Variants in INPP4B observed in about 807,000 individuals in gnomAD.
INPP4B encodes the protein inositol polyphosphate-4-phosphatase type II B.
A neutral mutation model predicts 122.5 loss-of-function variants in INPP4B; 55 were observed. The observed-to-expected ratio is 0.45, with a 90% CI of 0.36 to 0.56. INPP4B has a LOEUF of 0.56. Among genes scored for constraint, INPP4B ranks in the 20% least tolerant of loss-of-function variants. The pLI is 0.00. For synonymous variants in INPP4B, 403 were observed against 388.7 expected, an observed-to-expected ratio of 1.04 and a Z score of -0.43; for missense variants, 1,000 against 1,097.7, an observed-to-expected ratio of 0.91 and a Z score of 1.26.
chr4:142,399,847 GC>G (rs1801026911), intron 7 of INPP4B, among the ~76,000 whole-genome samples: 1 of 151,986 alleles, frequency 6.6e-6, no homozygotes, highest in African/African-American at 2.4e-5. Flanking sequence ...CACTCCATAT[GC>G]CCCACCCCTC....
intron 11 of INPP4B, among the ~76,000 whole-genome samples, chr4:142,252,508 A>G (rs2636660): frequency 0.76 from 115,777 of 152,068 alleles, 45,316 homozygotes; most frequent in East Asian, 0.93. Context: ...ATTTACTAAC[A>G]GTCATTTAAT....
intron 7 of INPP4B, among the ~76,000 whole-genome samples, chr4:142,372,763 T>A (rs1366929711): frequency 6.6e-6 from 1 of 152,008 alleles, no homozygotes; most frequent in Non-Finnish European, 1.5e-5. Context: ...CCTTTCCATT[T>A]CCATCATCAG....
intron 5 of INPP4B, among the ~76,000 whole-genome samples, chr4:142,423,010 C>T (rs933331258): frequency 6.6e-6 from 1 of 151,970 alleles, no homozygotes; most frequent in African/African-American, 2.4e-5. Context: ...TACCTCTGTG[C>T]TTGGTATTCC....
chr4:142,394,079 T>C (rs574844311), intron 7 of INPP4B, among the ~76,000 whole-genome samples: 170 of 152,354 alleles, frequency 1.1e-3, no homozygotes, highest in African/African-American at 4.0e-3. Flanking sequence ...TCTGTAATGA[T>C]TGTACCAATT....
At chr4:142,249,244 A>T (rs1172413105) in intron 11 of INPP4B, among the ~76,000 whole-genome samples, 1 of 151,984 alleles carries the variant, frequency 6.6e-6, no homozygotes, top group African/African-American at 2.4e-5. Flanking sequence ...TGAGTGGGGG[A>T]AACTCACTCT....
At chr4:142,158,996 C>A (rs1818671012) in intron 17 of INPP4B, among the ~76,000 whole-genome samples, 1 of 151,906 alleles carries the variant, frequency 6.6e-6, no homozygotes, top group East Asian at 1.9e-4. Flanking sequence ...TATGACATAT[C>A]TAATTTCCCC....
rs545175207 is a variant in INPP4B, at chr4:142,400,161, T to C, written c.372+2777A>G. ...AAATATGTATGCAAATGATATGAAA[T>C]GGCAAAGTAACGTGTTTATTTCACC... On this transcript the variant is annotated intron_variant, in intron 7 of 25. Transcript: ENST00000262992. Among the ~76,000 whole-genome samples, 4 of 152,302 alleles carry C rather than the reference T, an allele frequency of 2.6e-5. No homozygotes were observed. The South Asian group carries it at 8.3e-4, about 32-fold the overall frequency.
chr4:142,374,889 A>G (rs1791261910), intron 7 of INPP4B, among the ~76,000 whole-genome samples: 1 of 151,936 alleles, frequency 6.6e-6, no homozygotes. Flanking sequence ...AAGAAATTTT[A>G]TAATCTAAAC....
intron 2 of INPP4B, among the ~76,000 whole-genome samples, chr4:142,490,404 C>T (rs1821733422): frequency 2.0e-5 from 3 of 151,838 alleles, no homozygotes; most frequent in Admixed American, 2.0e-4. Context: ...TATGCCTGGT[C>T]TATTGTATTT....
intron 2 of INPP4B, among the ~76,000 whole-genome samples, chr4:142,611,641 T>C (rs1312338003): frequency 7.8e-6 from 1 of 127,686 alleles, no homozygotes; most frequent in Non-Finnish European, 1.7e-5. Context: ...TTTTTTCTTT[T>C]TTTTTTTTTT....
chr4:142,676,205 CAG>C (rs1275381334), intron 2 of INPP4B, among the ~76,000 whole-genome samples: 1 of 151,964 alleles, frequency 6.6e-6, no homozygotes, highest in Admixed American at 6.6e-5. Context: ...ACACCAAAAA[CAG>C]ACAGAGAGCC....
intron 2 of INPP4B, among the ~76,000 whole-genome samples, chr4:142,718,522 C>G (rs61289420): frequency 0.013 from 1,905 of 152,206 alleles, 27 homozygotes; most frequent in African/African-American, 0.035. Flanking sequence ...CTTGTGCGTC[C>G]GCATCAGGCT....
chr4:142,339,163 ATATTAAACCAGGTTAC>A (rs1777843970), intron 7 of INPP4B, among the ~76,000 whole-genome samples: 1 of 152,086 alleles, frequency 6.6e-6, no homozygotes, highest in Non-Finnish European at 1.5e-5. Flanking sequence ...ACCTCTACCA[ATATTAAACCAGGTTAC>A]TGCACTATTC....
intron 2 of INPP4B, chr4:142,566,316 T>A (rs1731613895): frequency 6.6e-6 from 1 of 151,936 alleles, no homozygotes; most frequent in Non-Finnish European, 1.5e-5. Context: ...GCCATAGAAA[T>A]GGAGAAAAGG....
chr4:142,383,003 T>C (rs1461705626), intron 7 of INPP4B, among the ~76,000 whole-genome samples: 1 of 152,114 alleles, frequency 6.6e-6, no homozygotes, highest in Non-Finnish European at 1.5e-5. Flanking sequence ...TATATTTCTC[T>C]TTTTCTAGTA....
intron 9 of INPP4B, among the ~76,000 whole-genome samples, chr4:142,294,856 A>AAAAAAAAAAAAAAAAAAAAAT: frequency 6.9e-6 from 1 of 143,912 alleles, no homozygotes; most frequent in Admixed American, 7.0e-5. Context: ...AAAAAAAAAA[A>AAAAAAAAAAAAAAAAAAAAAT]GGCAGACTTA....
intron 1 of INPP4B, among the ~76,000 whole-genome samples, chr4:142,727,220 G>A (rs747907603): frequency 5.1e-4 from 77 of 152,118 alleles, no homozygotes; most frequent in Non-Finnish European, 1.0e-3. Context: ...TCAACTGCTC[G>A]ACTGCAGTGG....
intron 1 of INPP4B, among the ~76,000 whole-genome samples, chr4:142,837,566 A>C (rs1196129710): frequency 2.0e-5 from 3 of 152,162 alleles, no homozygotes; most frequent in Admixed American, 2.0e-4. Flanking sequence ...GATAATATAA[A>C]GGTTTTGCAT....
At chr4:142,693,117 T>C (rs1334679241) in intron 2 of INPP4B, among the ~76,000 whole-genome samples, 1 of 152,176 alleles carries the variant, frequency 6.6e-6, no homozygotes, top group South Asian at 2.1e-4. Flanking sequence ...GACGGAGTTA[T>C]CTCAGATCTA....
Sources: gnomAD v4.1 joint callset for allele counts (sites outside exome capture counted in the v4.1 genomes callset) on GRCh38, gnomAD v4.1.1 for gene constraint, MANE v1.5 for transcripts, NCBI Gene and HGNC (gene_info 2026-07-23, HGNC 2026-07-21) for gene names.